CNTNAP5: variants seen among roughly 807,000 people sequenced by gnomAD.
CNTNAP5 encodes the protein contactin-associated protein-like 5.
Under a neutral mutation model 150.2 loss-of-function variants are expected in CNTNAP5, and 72 were observed. That is an observed-to-expected ratio of 0.48 (90% CI 0.40 to 0.58). The LOEUF (loss-of-function observed/expected upper bound fraction) is 0.58. CNTNAP5 is among the 20% of genes least tolerant of loss of function. CNTNAP5 has a pLI of 0.00. For synonymous variants in CNTNAP5, 672 were observed against 619.8 expected, an observed-to-expected ratio of 1.08 and a Z score of -1.25; for missense variants, 1,636 against 1,626.2, an observed-to-expected ratio of 1.01 and a Z score of -0.10.
At chr2:124,909,662 C>T (rs183474679) in intron 22 of CNTNAP5, among the ~76,000 whole-genome samples, 90 of 150,864 alleles carry the variant, frequency 6.0e-4, no homozygotes, top group African/African-American at 2.0e-3. Context: ...TTCTTTCTTT[C>T]CTCCTTGTCT....
intron 7 of CNTNAP5, among the ~76,000 whole-genome samples, chr2:124,483,306 G>C (rs1266858070): frequency 6.6e-6 from 1 of 152,184 alleles, no homozygotes; most frequent in Non-Finnish European, 1.5e-5. Flanking sequence ...AGGCAGGCAA[G>C]CCCAGGTTTC....
At chr2:124,729,654 T>C (rs1680228838) in intron 13 of CNTNAP5, among the ~76,000 whole-genome samples, 1 of 152,098 alleles carries the variant, frequency 6.6e-6, no homozygotes, top group Non-Finnish European at 1.5e-5. Context: ...TACGACCAAT[T>C]ATCAATGATG....
chr2:124,407,984 A>T (rs1055208667), intron 3 of CNTNAP5, among the ~76,000 whole-genome samples: 3 of 152,156 alleles, frequency 2.0e-5, no homozygotes, highest in Non-Finnish European at 4.4e-5. Context: ...GGTTCATCTC[A>T]CTAGGGAGTG....
intron 1 of CNTNAP5, among the ~76,000 whole-genome samples, chr2:124,191,994 A>G (rs1290610154): frequency 6.6e-6 from 1 of 152,018 alleles, no homozygotes; most frequent in Non-Finnish European, 1.5e-5. Context: ...CCTTAGTTTG[A>G]GACATTCCTG....
chr2:124,857,898 A>T (rs575565056), intron 19 of CNTNAP5, among the ~76,000 whole-genome samples: 1 of 152,290 alleles, frequency 6.6e-6, no homozygotes, highest in East Asian at 1.9e-4. Flanking sequence ...GAGACAGTGT[A>T]TAAGAACAAG....
intron 17 of CNTNAP5, among the ~76,000 whole-genome samples, chr2:124,788,631 C>T (rs1167847120): frequency 1.1e-4 from 15 of 142,486 alleles, no homozygotes; most frequent in Non-Finnish European, 1.8e-4. Flanking sequence ...GACAGAGTCT[C>T]GCCCTGTGGC....
At chr2:124,065,771 C>G (rs192747062) in intron 1 of CNTNAP5, among the ~76,000 whole-genome samples, 28 of 152,234 alleles carry the variant, frequency 1.8e-4, no homozygotes, top group Non-Finnish European at 2.8e-4. Flanking sequence ...GGTTGGTGTT[C>G]TCAGTTTAAC....
intron 1 of CNTNAP5, among the ~76,000 whole-genome samples, chr2:124,031,710 G>A (rs1681056076): frequency 6.6e-6 from 1 of 152,096 alleles, no homozygotes; most frequent in South Asian, 2.1e-4. Flanking sequence ...GAATTTTAAT[G>A]AGTGTTGCTT....
rs535086891 is a variant in CNTNAP5 at position 124,431,085 on chromosome 2, A to G, written c.530-3399A>G. Among the ~76,000 whole-genome samples, 47 of 152,268 alleles carry G rather than the reference A, an allele frequency of 3.1e-4. 1 individual carries two copies. The South Asian group carries it at 3.1e-3, about 10-fold the overall frequency. ...CTGCCCCCAGGTAGTAAGGAGTAAAACCAGAACTGAAACCCAGCTCTGTTA... is the reference window on the plus strand; with the variant it reads ...CTGCCCCCAGGTAGTAAGGAGTAAAGCCAGAACTGAAACCCAGCTCTGTTA... On this transcript the variant is annotated intron_variant, in intron 4 of 23. Coordinates refer to ENST00000682447, the MANE Select transcript of CNTNAP5 (RefSeq NM_001367498.1).
At chr2:124,503,118 C>A (rs777214396) in intron 7 of CNTNAP5, among the ~76,000 whole-genome samples, 1 of 152,272 alleles carries the variant, frequency 6.6e-6, no homozygotes, top group Middle Eastern at 3.4e-3. Flanking sequence ...TTGTGAGGAT[C>A]TAGCCTGAAG....
chr2:124,638,454 C>T (rs1239857328), intron 12 of CNTNAP5, among the ~76,000 whole-genome samples: 1 of 152,048 alleles, frequency 6.6e-6, no homozygotes, highest in East Asian at 1.9e-4. Flanking sequence ...TTGAAAGTTG[C>T]TTAAATTAAC....
chr2:124,818,684 C>G (rs1050539650), intron 19 of CNTNAP5, among the ~76,000 whole-genome samples: 4 of 152,178 alleles, frequency 2.6e-5, no homozygotes, highest in African/African-American at 7.2e-5. Flanking sequence ...CCTGTAGCCA[C>G]AAGCCTCTTC....
chr2:124,372,975 C>T (rs538601557), intron 3 of CNTNAP5, among the ~76,000 whole-genome samples: 2 of 152,132 alleles, frequency 1.3e-5, no homozygotes, highest in East Asian at 3.9e-4. Flanking sequence ...AGGAACTTGA[C>T]ATAGATATAA....
intron 7 of CNTNAP5, among the ~76,000 whole-genome samples, chr2:124,494,623 A>T (rs974681067): frequency 6.6e-6 from 1 of 152,224 alleles, no homozygotes; most frequent in Non-Finnish European, 1.5e-5. Context: ...CCTTACTGTT[A>T]TAATGACTTG....
At chr2:124,573,759 G>T (rs976253792) in intron 11 of CNTNAP5, among the ~76,000 whole-genome samples, 2 of 152,126 alleles carry the variant, frequency 1.3e-5, no homozygotes, top group African/African-American at 4.8e-5. Context: ...TTTCATTTGT[G>T]CCTCCACTTT....
At chr2:124,637,528 C>T (rs985915269) in intron 12 of CNTNAP5, among the ~76,000 whole-genome samples, 4 of 152,166 alleles carry the variant, frequency 2.6e-5, no homozygotes, top group African/African-American at 4.8e-5. Context: ...TCTGCCAGAT[C>T]GTTGCATTGT....
rs70996061 is a variant in CNTNAP5 at position 124,349,874 on chromosome 2, C to CTTTTTTTTTTT, written c.382-67551_382-67541dup. On this transcript the variant is annotated intron_variant, in intron 3 of 23. Coordinates refer to ENST00000682447, the MANE Select transcript of CNTNAP5 (RefSeq NM_001367498.1). ...GTTTTGAAATGACTTCTGGCTATTTCTTTTTTTTTTTTTTTTTTTTTTTTT... is the reference window on the plus strand; with the variant it reads ...GTTTTGAAATGACTTCTGGCTATTTCTTTTTTTTTTTTTTTTTTTTTTTTTTTTTTTTTTTT... Among the ~76,000 whole-genome samples the CTTTTTTTTTTT allele has an allele frequency of 5.3e-3, 432 of 81,802 alleles. 63 individuals are homozygous for CTTTTTTTTTTT. The highest frequency in any genetic ancestry group is 8.0e-3 in the African/African-American group (158 of 19,820). The allele number at this position is 81,802 out of a possible 152,430, so 53.7% of individuals were successfully genotyped here.
chr2:124,402,395 G>A (rs1469192194), intron 3 of CNTNAP5, among the ~76,000 whole-genome samples: 1 of 152,178 alleles, frequency 6.6e-6, no homozygotes, highest in Non-Finnish European at 1.5e-5. Flanking sequence ...AACTCCAACA[G>A]AGTAAGAGCA....
At chr2:124,459,219 C>T (rs921628912) in intron 6 of CNTNAP5, among the ~76,000 whole-genome samples, 2 of 152,204 alleles carry the variant, frequency 1.3e-5, no homozygotes, top group African/African-American at 4.8e-5. Flanking sequence ...ACCCAGAGTA[C>T]ACTCAGCCAC....
Sources: allele counts gnomAD v4.1 joint callset (sites outside exome capture counted in the v4.1 genomes callset), GRCh38; gene constraint gnomAD v4.1.1; transcripts MANE v1.5; gene names NCBI Gene and HGNC (gene_info 2026-07-23, HGNC 2026-07-21).